SH3TC2: variants seen among roughly 807,000 people sequenced by gnomAD.
SH3TC2 encodes SH3 domain and tetratricopeptide repeats 2.
Under a neutral mutation model 124.5 loss-of-function variants are expected in SH3TC2, and 87 were observed. The ratio of observed to expected loss-of-function variants is 0.70; its 90% CI spans 0.59 to 0.84. The LOEUF (loss-of-function observed/expected upper bound fraction) is 0.84. Among genes scored for constraint, SH3TC2 ranks in the 40% least tolerant of loss-of-function variants. SH3TC2 has a pLI of 0.00. For synonymous variants in SH3TC2, 634 were observed against 628.5 expected (o/e 1.01, Z -0.13); for missense variants, 1,536 against 1,566.4 (o/e 0.98, Z 0.33).
intron 1 of SH3TC2, among the ~76,000 whole-genome samples, chr5:149,062,591 A>G (rs1186801460): frequency 6.6e-6 from 1 of 152,210 alleles, no homozygotes; most frequent in Non-Finnish European, 1.5e-5. Context: ...GACTAAGGCC[A>G]AGTTTATGGC....
In SH3TC2 at chr5:148,990,243, A is replaced by C. The variant is rs997281074; in HGVS notation, c.*14468T>G. Among the ~76,000 whole-genome samples, 3 of 152,024 alleles carry C rather than the reference A, an allele frequency of 2.0e-5. No individual in the cohort carries two copies. The highest frequency in any genetic ancestry group is 4.4e-5 in the Non-Finnish European group (3 of 68,014). ...TCCTACTAGGACATTGGTCATTTAA[A>C]ATATATTCATAGTAAGATGACAAAC... On this transcript the variant is annotated 3_prime_UTR_variant, in exon 17 of 17. Transcript: ENST00000515425.
chr5:149,026,597 G>C lies in SH3TC2; in HGVS notation c.3028C>G (p.Leu1010Val). 6.2e-7 allele frequency: 1 copy of C among 1,614,172 alleles called. No homozygotes were observed. Residue 1010 changes from leucine to valine, a missense_variant, in exon 12 of 17, where the codon CTT becomes GTT. By Grantham distance (32) the Leu-to-Val change is conservative. This residue lies in a region of SH3TC2 where 426 missense variants were observed against 443.5 expected (regional missense o/e 0.96). Coordinates refer to ENST00000515425, the MANE Select transcript of SH3TC2 (RefSeq NM_024577.4). ...CTGGCGGTATTTAGGTTCCGATAAA[G>C]CTGCCCCAGGGACTCCAGCAGCCTC... ...EGRLLESLGQ[L>V]YRNLNTARSL...
intron 4 of SH3TC2, among the ~76,000 whole-genome samples, chr5:149,043,364 C>G (rs991910815): frequency 6.6e-6 from 1 of 152,150 alleles, no homozygotes; most frequent in Non-Finnish European, 1.5e-5. Context: ...CTGGTAAAAG[C>G]AGACTAAAAA....
intron 12 of SH3TC2, among the ~76,000 whole-genome samples, chr5:149,015,362 G>C (rs754133048): frequency 2.6e-5 from 4 of 152,186 alleles, no homozygotes; most frequent in Non-Finnish European, 4.4e-5. Context: ...ACATCTGCCA[G>C]TGGCCAAGCA....
chr5:149,045,996 C>T lies in SH3TC2; in HGVS notation c.280-1358G>A, dbSNP rs1754457815. The stretch of plus-strand genomic sequence containing the variant: ...AAGCAGGTCTGAATCACTGCCCAGA[C>T]TTAGTTTTCCCTTAAATCTGTTGTT... On this transcript the variant is annotated intron_variant, in intron 3 of 16. Transcript: ENST00000515425. The T allele has an allele frequency of 4.8e-6, 2 of 420,612 alleles. 1 individual carries two copies. The highest frequency in any genetic ancestry group is 4.2e-5 in the African/African-American group (2 of 47,248). The allele number at this position is 420,612 out of a possible 1,614,324, so 26.1% of individuals were successfully genotyped here.
rs35182601 is a variant in SH3TC2 at position 148,992,600 on chromosome 5, GTTTTTTTTTT to G, written c.*12101_*12110del. 2.0e-5 allele frequency among the ~76,000 whole-genome samples: 2 copies of G among 102,500 alleles called. No individual in the cohort carries two copies. Among genetic ancestry groups the G allele is most frequent in the South Asian group, 7.6e-4 (2 of 2,636 alleles). 67.2% of individuals were successfully genotyped at this position (102,500 alleles called of 152,430 possible). On this transcript the variant is annotated 3_prime_UTR_variant, in exon 17 of 17. Coordinates refer to ENST00000515425, the MANE Select transcript of SH3TC2 (RefSeq NM_024577.4). ...ATAATTCCAAGAAGAGATTTCATTGGTTTTTTTTTTTTTTTTTTTTTTCAGATTTTCGAAG... is the reference window on the plus strand; with the variant it reads ...ATAATTCCAAGAAGAGATTTCATTGGTTTTTTTTTTTTCAGATTTTCGAAG...
At chr5:149,019,696 G>T (rs193013307) in intron 12 of SH3TC2, among the ~76,000 whole-genome samples, 1 of 152,284 alleles carries the variant, frequency 6.6e-6, no homozygotes, top group East Asian at 1.9e-4. Flanking sequence ...CCAAAGGTTT[G>T]CAAGGAGTGT....
chr5:149,062,488 G>T, intron 1 of SH3TC2: 1 of 466,544 alleles, frequency 2.1e-6, no homozygotes, highest in South Asian at 1.6e-5. Flanking sequence ...ACTCACACAT[G>T]CACTCACACA....
chr5:149,018,410 AAG>A (rs1753910879), intron 12 of SH3TC2, among the ~76,000 whole-genome samples: 1 of 152,158 alleles, frequency 6.6e-6, no homozygotes, highest in African/African-American at 2.4e-5. Context: ...TATAAAGAAA[AAG>A]AGGTTTAATG....
rs1046786965 is a variant in SH3TC2 at position 149,000,262 on chromosome 5, C to T, written c.*4449G>A. ...AAACCTGGCATTGAATGACACTGACCCTCCTCAGAAGGAGCTCAGTCCTCT... is the reference window on the plus strand; with the variant it reads ...AAACCTGGCATTGAATGACACTGACTCTCCTCAGAAGGAGCTCAGTCCTCT... On this transcript the variant is annotated 3_prime_UTR_variant, in exon 17 of 17. Transcript: ENST00000515425. Among the ~76,000 whole-genome samples, 5 of 152,154 alleles carry T rather than the reference C, an allele frequency of 3.3e-5. No individual in the cohort carries two copies.
chr5:149,027,286 A>G lies in SH3TC2; in HGVS notation c.2446T>C (p.Leu816=). Residue 816 remains leucine, a synonymous_variant, in exon 11 of 17, where the codon TTG becomes CTG. Transcript: ENST00000515425. ...YLLASQAKKA[L]DVLEPLLCSL... is the part of the protein sequence containing the mutation. ...CATAGCAGTGGCTCAAGCACATCCA[A>G]AGCCTTCTTGGCCTGGCTGGCTAAG... is the stretch of plus-strand genomic sequence containing the variant. 1 of 1,614,094 alleles carries G rather than the reference A, an allele frequency of 6.2e-7. No individual in the cohort carries two copies. Among genetic ancestry groups the G allele is most frequent in the Non-Finnish European group, 8.5e-7 (1 of 1,180,036 alleles).
chr5:149,019,825 C>T (rs1753937969), intron 12 of SH3TC2, among the ~76,000 whole-genome samples: 1 of 152,136 alleles, frequency 6.6e-6, no homozygotes, highest in Admixed American at 6.5e-5. Context: ...AACAGCCTCA[C>T]AATAATGGTA....
intron 1 of SH3TC2, among the ~76,000 whole-genome samples, chr5:149,058,898 T>C (rs1362552926): frequency 6.6e-6 from 1 of 152,016 alleles, no homozygotes; most frequent in Non-Finnish European, 1.5e-5. Context: ...TTGGGTAACC[T>C]GGGAAGGATA....
At position 149,026,697 on chromosome 5, in the gene SH3TC2, G is replaced by C. The variant is rs1754069261; in HGVS notation, c.2928C>G (p.Asn976Lys). ...CATGGTAGGTGATGCATGCCTCAGG[G>C]TTTGGGGACACAGAGCTGTAGAAAT... ...LCHFYSSVSPNPEACITYHEH... is the reference protein window; with the variant it reads ...LCHFYSSVSPKPEACITYHEH... The change falls in exon 12 of 17, where the codon AAC (asparagine) becomes AAG (lysine). Residue 976 changes from asparagine to lysine, a missense_variant. Around this residue, in one of 3 missense-constraint regions of SH3TC2, gnomAD observed 426 missense variants for 443.5 expected, o/e 0.96. Transcript: ENST00000515425. 1 of 1,614,106 alleles carries C rather than the reference G, an allele frequency of 6.2e-7. No individual in the cohort carries two copies. The highest frequency in any genetic ancestry group is 1.3e-5 in the African/African-American group (1 of 74,926).
At chr5:149,025,235 G>A (rs557662198) in intron 12 of SH3TC2, among the ~76,000 whole-genome samples, 19 of 152,256 alleles carry the variant, frequency 1.2e-4, no homozygotes, top group African/African-American at 4.3e-4. Context: ...CCCTGGGACT[G>A]AAGGCAAAGA....
rs1753395884 is a variant in SH3TC2 at position 148,989,943 on chromosome 5, CAA to C, written c.*14766_*14767del. Among the ~76,000 whole-genome samples the C allele has an allele frequency of 6.6e-6, 1 of 152,062 alleles. No individual in the cohort carries two copies. Among genetic ancestry groups the C allele is most frequent in the African/African-American group, 2.4e-5 (1 of 41,388 alleles). On this transcript the variant is annotated 3_prime_UTR_variant, in exon 17 of 17. Transcript: ENST00000515425. ...TGAGTTCTTGGGGTGTGGGGATACA[CAA>C]GTGTGTGCATGTTTGTGTGTATGTG...
chr5:148,999,181 G>A lies in SH3TC2; in HGVS notation c.*5530C>T, dbSNP rs1561753801. Among the ~76,000 whole-genome samples, 1 of 152,216 alleles carries A rather than the reference G, an allele frequency of 6.6e-6. No individual in the cohort carries two copies. The highest frequency in any genetic ancestry group is 1.5e-5 in the Non-Finnish European group (1 of 68,042). On this transcript the variant is annotated 3_prime_UTR_variant, in exon 17 of 17. Transcript: ENST00000515425. Reference sequence around the variant, plus strand: ...AAAGGAGAAAGAGCTTCAGACCCAAGTGTCCCTGAATGCAGGACCAGGGTG... The same window carrying A: ...AAAGGAGAAAGAGCTTCAGACCCAAATGTCCCTGAATGCAGGACCAGGGTG...
chr5:149,006,308 G>T (rs1041217510), intron 16 of SH3TC2: 4 of 112,000 alleles, frequency 3.6e-5, no homozygotes, highest in Admixed American at 3.2e-4. Context: ...CAGCAAGCAA[G>T]AGAAGCAGGG....
chr5:149,028,385 G>A lies in SH3TC2; in HGVS notation c.1347C>T (p.Asp449=), dbSNP rs540582352. 7 of 1,613,988 alleles carry A rather than the reference G, an allele frequency of 4.3e-6. No individual in the cohort carries two copies. Among genetic ancestry groups the A allele is most frequent in the Non-Finnish European group, 5.9e-6 (7 of 1,180,038 alleles). The change falls in exon 11 of 17, where the codon GAC becomes GAT. Residue 449 remains aspartate, a synonymous_variant. Transcript: ENST00000515425. Reference sequence around the variant, plus strand: ...TGCTTAGGTCCATGAGCAGTTCCGGGTCATCAAGGTCATCAGGCTCCGGCA... The same window carrying A: ...TGCTTAGGTCCATGAGCAGTTCCGGATCATCAAGGTCATCAGGCTCCGGCA... The part of the protein sequence containing the change: ...YRLPEPDDLD[D]PELLMDLSTG...
Sources: gnomAD v4.1 joint callset for allele counts (sites outside exome capture counted in the v4.1 genomes callset) on GRCh38, gnomAD v4.1.1 for gene constraint, gnomAD v4.1.1 regional missense constraint, MANE v1.5 for transcripts, NCBI Gene and HGNC (gene_info 2026-07-23, HGNC 2026-07-21) for gene names.